The following HTR2C variants were observed in gnomAD, a reference collection of about 807,000 sequenced individuals.
HTR2C encodes the protein 5-hydroxytryptamine (serotonin) receptor 2C, G protein-coupled.
In HTR2C, 5 loss-of-function variants were observed where a neutral mutation model predicts 21.0. That is an observed-to-expected ratio of 0.24 (90% CI 0.12 to 0.50). The LOEUF is 0.50. HTR2C is among the 20% of genes least tolerant of loss of function. The probability of loss-of-function intolerance (pLI) is 0.98; values close to 1 mark genes in which losing one functional copy is unlikely to be tolerated. For synonymous variants in HTR2C, 150 were observed against 145.3 expected (o/e 1.03, Z -0.23); for missense variants, 271 against 371.2 (o/e 0.73, Z 2.22).
chrX:114,727,026 T>A (rs1267910810), intron 3 of HTR2C, 55 bp downstream of exon 3: 1 of 704,798 alleles, frequency 1.4e-6, no homozygotes, highest in African/African-American at 2.3e-5. Context: ...CTTGGTAGCT[T>A]GCTCAACATG....
chrX:114,872,467 T>C (rs782181339), intron 5 of HTR2C, among the ~76,000 whole-genome samples: 2 of 110,003 alleles, frequency 1.8e-5, no homozygotes, highest in Non-Finnish European at 3.8e-5. Context: ...TAAGCACTGC[T>C]TTTACTATAT....
At chrX:114,641,673 G>T in intron 2 of HTR2C, among the ~76,000 whole-genome samples, 1 of 112,086 alleles carries the variant, frequency 8.9e-6, no homozygotes, top group African/African-American at 3.2e-5. Flanking sequence ...GAGCAGAGAA[G>T]TATGACTACA....
chrX:114,815,299 G>T (rs1175590431), intron 4 of HTR2C, among the ~76,000 whole-genome samples: 1 of 110,667 alleles, frequency 9.0e-6, no homozygotes, highest in Non-Finnish European at 1.9e-5. Context: ...CTAACAAATA[G>T]GCACACCTTT....
At chrX:114,741,956 A>G (rs782698214) in intron 4 of HTR2C, among the ~76,000 whole-genome samples, 3 of 110,776 alleles carry the variant, frequency 2.7e-5, no homozygotes, top group African/African-American at 9.8e-5. Flanking sequence ...GTGGTAGCCC[A>G]GGAGTGGTTT....
chrX:114,633,066 C>T (rs1189464549), intron 2 of HTR2C, among the ~76,000 whole-genome samples: 1 of 110,797 alleles, frequency 9.0e-6, no homozygotes, highest in Non-Finnish European at 1.9e-5. Flanking sequence ...TTAATTTCTT[C>T]AAATAATATA....
intron 2 of HTR2C, among the ~76,000 whole-genome samples, chrX:114,619,539 C>T (rs781856854): frequency 2.7e-5 from 3 of 111,466 alleles, no homozygotes; most frequent in African/African-American, 9.8e-5. Context: ...TCTCTCTGAT[C>T]ACAGGGCCTT....
At chrX:114,847,929 G>T in intron 4 of HTR2C, 74 bp from the exon 5 acceptor site, 1 of 779,937 alleles carries the variant, frequency 1.3e-6, no homozygotes, top group Non-Finnish European at 1.9e-6. Context: ...GAAAATATAA[G>T]CAGACTAAAA....
chrX:114,770,770 T>C lies in HTR2C; in HGVS notation c.349+39163T>C, dbSNP rs190024923. 1.3e-4 allele frequency among the ~76,000 whole-genome samples: 14 copies of C among 106,171 alleles called. No homozygotes were observed. In the East Asian group the frequency reaches 4.2e-3, roughly 32 times the overall value. 92.2% of individuals were successfully genotyped at this position (106,171 alleles called of 115,157 possible). A position where few individuals can be genotyped will look rare whatever the true frequency, so the allele number is the denominator to read the frequency against. On this transcript the variant is annotated intron_variant, in intron 4 of 5. Transcript: ENST00000276198. ...TTAATTCCTGCCTTTATGCCATACT[T>C]TCCTGTTTCTTTTCTCTTTTCTTTC...
Position 114,725,010 on chromosome X carries a change from C to T in HTR2C, c.-79-1848C>T, listed in dbSNP as rs782410919. Among the ~76,000 whole-genome samples the T allele has an allele frequency of 1.2e-3, 130 of 110,393 alleles. 1 individual carries two copies. The highest frequency in any genetic ancestry group is 1.0e-3 in the Non-Finnish European group (54 of 52,844). On this transcript the variant is annotated intron_variant, in intron 2 of 5. Coordinates refer to ENST00000276198, the MANE Select transcript of HTR2C (RefSeq NM_000868.4). ...GTGTGTGTCTTAGAGTTGCTCTTCT[C>T]GAGGAGTATCTTTGTGGCGTTCTCT...
intron 4 of HTR2C, among the ~76,000 whole-genome samples, chrX:114,813,679 G>C (rs950484436): frequency 2.7e-5 from 3 of 110,964 alleles, no homozygotes; most frequent in African/African-American, 9.8e-5. Context: ...TAAACAGCCC[G>C]GCCACAGAGG....
At chrX:114,881,857 A>C (rs2071184495) in intron 5 of HTR2C, among the ~76,000 whole-genome samples, 1 of 110,034 alleles carries the variant, frequency 9.1e-6, no homozygotes, top group Non-Finnish European at 1.9e-5. Flanking sequence ...TGAATTTTAT[A>C]ATAGGCTTGA....
intron 4 of HTR2C, among the ~76,000 whole-genome samples, chrX:114,755,450 G>C (rs1160577127): frequency 9.0e-6 from 1 of 111,004 alleles, no homozygotes; most frequent in Non-Finnish European, 1.9e-5. Flanking sequence ...TCCCTTCTCT[G>C]CCTCTGCAAT....
At chrX:114,687,831 G>A (rs782537293) in intron 2 of HTR2C, among the ~76,000 whole-genome samples, 2 of 111,451 alleles carry the variant, frequency 1.8e-5, no homozygotes, top group South Asian at 7.4e-4. Flanking sequence ...AACTTTTAAT[G>A]TCTCAAGCGT....
Position 114,647,552 on chromosome X carries a change from C to T in HTR2C, c.-80+33671C>T, listed in dbSNP as rs782261964. On this transcript the variant is annotated intron_variant, in intron 2 of 5. Coordinates refer to ENST00000276198, the MANE Select transcript of HTR2C (RefSeq NM_000868.4). The stretch of plus-strand genomic sequence containing the variant: ...CTGTTTACTATATGCCTACTGTGGG[C>T]CAGACACTGTGGCAGGTGTTAGGAA... Among the ~76,000 whole-genome samples the T allele has an allele frequency of 2.1e-4, 24 of 111,975 alleles. No individual in the cohort carries two copies. The Admixed American group carries it at 2.2e-3, about 10-fold the overall frequency.
At chrX:114,664,257 T>C (rs1355107520) in intron 2 of HTR2C, among the ~76,000 whole-genome samples, 1 of 111,913 alleles carries the variant, frequency 8.9e-6, no homozygotes, top group African/African-American at 3.2e-5. Context: ...GTGCAGGATT[T>C]GCAAGTTTGT....
At chrX:114,706,401 CTT>C (rs1343313894) in intron 2 of HTR2C, among the ~76,000 whole-genome samples, 2 of 95,497 alleles carry the variant, frequency 2.1e-5, no homozygotes, top group African/African-American at 7.7e-5. Flanking sequence ...AGTTCATGTC[CTT>C]TGTAGGGACA....
chrX:114,838,383 G>T (rs2070805790), intron 4 of HTR2C, among the ~76,000 whole-genome samples: 1 of 111,680 alleles, frequency 9.0e-6, no homozygotes, highest in Admixed American at 9.5e-5. Context: ...CTTCACAGTT[G>T]TCCCCACATT....
At chrX:114,776,943 T>G (rs2497511) in intron 4 of HTR2C, among the ~76,000 whole-genome samples, 1 of 110,425 alleles carries the variant, frequency 9.1e-6, no homozygotes, top group Non-Finnish European at 1.9e-5. Flanking sequence ...AAAAACACTA[T>G]GATTAAAAAC....
chrX:114,824,889 C>T (rs781894537), intron 4 of HTR2C, among the ~76,000 whole-genome samples: 21 of 111,815 alleles, frequency 1.9e-4, no homozygotes, highest in African/African-American at 6.8e-4. Context: ...TATACAAGGA[C>T]CCCAAAGTTC....
Sources: allele counts gnomAD v4.1 joint callset (sites outside exome capture counted in the v4.1 genomes callset), GRCh38; gene constraint gnomAD v4.1.1; transcripts MANE v1.5; gene names NCBI Gene and HGNC (gene_info 2026-07-23, HGNC 2026-07-21).